Variants in SMOC2 observed in about 807,000 individuals in gnomAD.
The protein encoded by SMOC2 is SPARC related modular calcium binding 2.
Under a neutral mutation model 61.4 loss-of-function variants are expected in SMOC2, and 39 were observed. The ratio of observed to expected loss-of-function variants is 0.64; its 90% confidence interval spans 0.49 to 0.83. The LOEUF is 0.83. Ranked by LOEUF, SMOC2 falls within the 40% of genes least tolerant of loss-of-function variation. SMOC2 has a pLI of 0.00. For missense variants in SMOC2, 556 were observed against 592.9 expected, an observed-to-expected ratio of 0.94 and a Z score of 0.65; for synonymous variants, 247 against 239.9, an observed-to-expected ratio of 1.03 and a Z score of -0.27.
chr6:168,459,784 A>G (rs1781679612), intron 1 of SMOC2, among the ~76,000 whole-genome samples: 2 of 119,034 alleles, frequency 1.7e-5, no homozygotes, highest in South Asian at 6.1e-4. Context: ...CGGGGTGGTG[A>G]GCCCTCTGGT....
chr6:168,566,034 T>C (rs943466361), intron 7 of SMOC2, among the ~76,000 whole-genome samples: 6 of 152,236 alleles, frequency 3.9e-5, no homozygotes, highest in Admixed American at 2.0e-4. Context: ...TTATTTTCAA[T>C]TGGTGATTCT....
chr6:168,505,590 G>C (rs1458839519), intron 1 of SMOC2, among the ~76,000 whole-genome samples: 1 of 152,194 alleles, frequency 6.6e-6, no homozygotes, highest in East Asian at 1.9e-4. Flanking sequence ...TCAGATGCCG[G>C]ATGAATGACT....
intron 4 of SMOC2, 34 bp downstream of exon 4, chr6:168,527,761 T>A: frequency 7.3e-7 from 1 of 1,369,504 alleles, no homozygotes; most frequent in Non-Finnish European, 1.0e-6. Flanking sequence ...GTGGAAGGCT[T>A]GAAGGGAATT....
intron 7 of SMOC2, among the ~76,000 whole-genome samples, chr6:168,573,402 C>T (rs915633941): frequency 9.9e-5 from 15 of 151,200 alleles, no homozygotes; most frequent in African/African-American, 3.4e-4. Flanking sequence ...TCCCTGAACG[C>T]GATGTTCATT....
At chr6:168,529,105 C>A (rs78403102) in intron 4 of SMOC2, among the ~76,000 whole-genome samples, 1,923 of 152,286 alleles carry the variant, frequency 0.013, 38 homozygotes, top group African/African-American at 0.044. Context: ...TTTGTACGAT[C>A]TACAAATAGT....
chr6:168,484,143 A>C (rs1782275658), intron 1 of SMOC2, among the ~76,000 whole-genome samples: 1 of 152,196 alleles, frequency 6.6e-6, no homozygotes, highest in Non-Finnish European at 1.5e-5. Flanking sequence ...CTATCAACAC[A>C]GTACAAAGGC....
At chr6:168,640,920 A>G (rs1786877744) in intron 9 of SMOC2, among the ~76,000 whole-genome samples, 1 of 152,192 alleles carries the variant, frequency 6.6e-6, no homozygotes, top group Admixed American at 6.5e-5. Flanking sequence ...CTGGCTTTGC[A>G]TATTTGGTGT....
intron 7 of SMOC2, among the ~76,000 whole-genome samples, chr6:168,580,775 T>C (rs1171299036): frequency 6.6e-6 from 1 of 152,206 alleles, no homozygotes; most frequent in Non-Finnish European, 1.5e-5. Flanking sequence ...ATTCCTGGGC[T>C]TAAGTGATCC....
intron 1 of SMOC2, among the ~76,000 whole-genome samples, chr6:168,444,109 T>A (rs1387815623): frequency 6.6e-6 from 1 of 152,226 alleles, no homozygotes; most frequent in Non-Finnish European, 1.5e-5. Flanking sequence ...GATTCAACTT[T>A]GCAGTATTTT....
intron 1 of SMOC2, among the ~76,000 whole-genome samples, chr6:168,443,770 C>T (rs1781270022): frequency 6.6e-6 from 1 of 152,200 alleles, no homozygotes; most frequent in African/African-American, 2.4e-5. Context: ...CTACGATTTG[C>T]ATCCTACCTA....
chr6:168,442,813 C>T (rs761379670), intron 1 of SMOC2, among the ~76,000 whole-genome samples: 14 of 152,148 alleles, frequency 9.2e-5, no homozygotes, highest in Admixed American at 2.0e-4. Context: ...TGCAGCAGCC[C>T]GGGGTCCCTG....
intron 1 of SMOC2, among the ~76,000 whole-genome samples, chr6:168,490,972 C>T (rs1782459717): frequency 6.6e-6 from 1 of 151,852 alleles, no homozygotes; most frequent in African/African-American, 2.4e-5. Flanking sequence ...AAAAGGTGAC[C>T]CCGTAGGACT....
At chr6:168,632,671 G>A (rs1196615251) in intron 9 of SMOC2, among the ~76,000 whole-genome samples, 1 of 152,154 alleles carries the variant, frequency 6.6e-6, no homozygotes, top group African/African-American at 2.4e-5. Flanking sequence ...CCTATTATAA[G>A]CTATCCTTGT....
intron 1 of SMOC2, among the ~76,000 whole-genome samples, chr6:168,498,258 ACT>A (rs542822258): frequency 5.1e-4 from 78 of 152,242 alleles, no homozygotes; most frequent in African/African-American, 1.8e-3. Context: ...TTTCCAGGTT[ACT>A]CTCATATTCT....
Position 168,607,799 on chromosome 6 carries a change from G to A in SMOC2, c.825-358G>A, listed in dbSNP as rs141846731. 2.2e-3 allele frequency among the ~76,000 whole-genome samples: 332 copies of A among 151,354 alleles called. 1 individual carries two copies. The highest frequency in any genetic ancestry group is 7.3e-3 in the African/African-American group (300 of 41,324). On this transcript the variant is annotated intron_variant, in intron 8 of 12. Coordinates refer to ENST00000356284, the MANE Select transcript of SMOC2 (RefSeq NM_001166412.2). ...TGCTTCCTCCATCCAACCCTGCAACGGGAGGAGGGGGAGGTGTGGGCGCTG... is the reference window on the plus strand; with the variant it reads ...TGCTTCCTCCATCCAACCCTGCAACAGGAGGAGGGGGAGGTGTGGGCGCTG...
rs766346244 is a variant in SMOC2, at chr6:168,611,942, G to A, written c.907+3703G>A. 2.7e-4 allele frequency among the ~76,000 whole-genome samples: 41 copies of A among 152,176 alleles called. 1 individual carries two copies. Among genetic ancestry groups the A allele is most frequent in the Non-Finnish European group, 3.1e-4 (21 of 68,040 alleles). On this transcript the variant is annotated intron_variant, in intron 9 of 12. Transcript: ENST00000356284. ...GGGGCACAGCGTGTGGTGTGGGTGT[G>A]GACTCTGCCCCGTGCCTCACAGGGT...
chr6:168,559,657 G>A (rs1340589164), intron 7 of SMOC2, among the ~76,000 whole-genome samples: 1 of 151,972 alleles, frequency 6.6e-6, no homozygotes, highest in East Asian at 1.9e-4. Flanking sequence ...TCATGCCTGT[G>A]CTCATCTGCC....
intron 7 of SMOC2, among the ~76,000 whole-genome samples, chr6:168,574,807 C>T (rs1562357383): frequency 6.6e-6 from 1 of 152,170 alleles, no homozygotes; most frequent in Non-Finnish European, 1.5e-5. Flanking sequence ...GAGGGCCCTC[C>T]TTTCTCCAAG....
intron 1 of SMOC2, among the ~76,000 whole-genome samples, chr6:168,483,108 A>G (rs919405525): frequency 1.3e-5 from 2 of 152,028 alleles, no homozygotes; most frequent in Non-Finnish European, 2.9e-5. Flanking sequence ...TACACATTGG[A>G]AAGGGAGAAG....
Sources: gnomAD v4.1 joint callset for allele counts (sites outside exome capture counted in the v4.1 genomes callset) on GRCh38, gnomAD v4.1.1 for gene constraint, MANE v1.5 for transcripts, NCBI Gene and HGNC (gene_info 2026-07-23, HGNC 2026-07-21) for gene names.